Variants in HS2ST1 observed in about 807,000 individuals in gnomAD.
HS2ST1 encodes 2-O-sulfotransferase.
A neutral mutation model predicts 42.9 loss-of-function variants in HS2ST1; 18 were observed. That is an observed-to-expected ratio of 0.42 (90% CI 0.29 to 0.62). HS2ST1 has a LOEUF of 0.62. Among genes scored for constraint, HS2ST1 ranks in the 20% least tolerant of loss-of-function variants. HS2ST1 has a pLI of 0.21. For synonymous variants in HS2ST1, 146 were observed against 152.9 expected, an observed-to-expected ratio of 0.95 and a Z score of 0.33; for missense variants, 334 against 433.8, an observed-to-expected ratio of 0.77 and a Z score of 2.04.
chr1:86,975,019 C>T (rs1648353764), intron 1 of HS2ST1, among the ~76,000 whole-genome samples: 1 of 152,140 alleles, frequency 6.6e-6, no homozygotes, highest in Non-Finnish European at 1.5e-5. Context: ...CTTCCCTTTG[C>T]AACCACAGAA....
At chr1:86,990,017 G>A (rs10747332) in intron 1 of HS2ST1, among the ~76,000 whole-genome samples, 108,464 of 151,678 alleles carry the variant, frequency 0.72, 40,399 homozygotes, top group East Asian at 0.97. Flanking sequence ...GAACAGTGCC[G>A]CAGTAAACAT....
At chr1:86,987,784 G>T (rs79995518) in intron 1 of HS2ST1, among the ~76,000 whole-genome samples, 7,749 of 152,312 alleles carry the variant, frequency 0.051, 255 homozygotes, top group East Asian at 0.14. Context: ...GCAGGAACAT[G>T]CCTGTAATTC....
chr1:86,946,137 T>A (rs973939477), intron 1 of HS2ST1, among the ~76,000 whole-genome samples: 1 of 152,220 alleles, frequency 6.6e-6, no homozygotes, highest in Non-Finnish European at 1.5e-5. Flanking sequence ...AAATTTTTTT[T>A]AATCCAAACG....
At chr1:87,016,367 G>A (rs1363638920) in intron 1 of HS2ST1, among the ~76,000 whole-genome samples, 1 of 152,122 alleles carries the variant, frequency 6.6e-6, no homozygotes, top group Non-Finnish European at 1.5e-5. Context: ...CAGTTTTGGA[G>A]AAGATAGTCT....
At chr1:86,966,222 G>A (rs1648042796) in intron 1 of HS2ST1, among the ~76,000 whole-genome samples, 1 of 152,174 alleles carries the variant, frequency 6.6e-6, no homozygotes, top group African/African-American at 2.4e-5. Context: ...TAGTAGCTAT[G>A]TCTTCTATTA....
chr1:87,018,943 T>C (rs1649843596), intron 1 of HS2ST1, among the ~76,000 whole-genome samples: 1 of 152,228 alleles, frequency 6.6e-6, no homozygotes, highest in African/African-American at 2.4e-5. Context: ...ATTGTATGTT[T>C]GTAAAATGCA....
chr1:86,990,105 A>G (rs11161919), intron 1 of HS2ST1, among the ~76,000 whole-genome samples: 108,419 of 151,928 alleles, frequency 0.71, 40,347 homozygotes, highest in East Asian at 0.97. Context: ...GCTGGGTCAA[A>G]TGATATTTCT....
At chr1:87,058,054 A>C (rs1035033422) in intron 1 of HS2ST1, among the ~76,000 whole-genome samples, 2 of 151,406 alleles carry the variant, frequency 1.3e-5, no homozygotes, top group Admixed American at 1.3e-4. Flanking sequence ...GAGTGGGTGG[A>C]GGGAGTCCAA....
intron 1 of HS2ST1, among the ~76,000 whole-genome samples, chr1:86,988,746 A>C (rs983835433): frequency 6.6e-6 from 1 of 152,198 alleles, no homozygotes; most frequent in Non-Finnish European, 1.5e-5. Flanking sequence ...GCGTTACATC[A>C]ATCTATTCAA....
At chr1:86,932,624 C>G (rs1660566918) in intron 1 of HS2ST1, among the ~76,000 whole-genome samples, 1 of 152,034 alleles carries the variant, frequency 6.6e-6, no homozygotes, top group Non-Finnish European at 1.5e-5. Flanking sequence ...GTCTTTTTCT[C>G]TGTCTGTATT....
intron 1 of HS2ST1, among the ~76,000 whole-genome samples, chr1:86,998,991 G>C (rs1414191164): frequency 6.6e-6 from 1 of 151,966 alleles, no homozygotes; most frequent in African/African-American, 2.4e-5. Flanking sequence ...GAGAAGTGTA[G>C]ATCTACAGAT....
At chr1:86,920,897 C>T (rs1660278196) in intron 1 of HS2ST1, among the ~76,000 whole-genome samples, 1 of 152,034 alleles carries the variant, frequency 6.6e-6, no homozygotes, top group Non-Finnish European at 1.5e-5. Flanking sequence ...CGAAGCTTTC[C>T]CTCATTCTCC....
At chr1:86,961,034 G>T (rs1647827869) in intron 1 of HS2ST1, among the ~76,000 whole-genome samples, 1 of 151,998 alleles carries the variant, frequency 6.6e-6, no homozygotes, top group Non-Finnish European at 1.5e-5. Context: ...CCTTCAGTAG[G>T]TTAATGGATA....
intron 1 of HS2ST1, among the ~76,000 whole-genome samples, chr1:86,976,915 A>G (rs1408718757): frequency 6.6e-6 from 1 of 151,366 alleles, no homozygotes; most frequent in African/African-American, 2.4e-5. Context: ...TACCAGAAAT[A>G]AAAAATGTGC....
intron 3 of HS2ST1, among the ~76,000 whole-genome samples, chr1:87,089,098 T>C (rs952741141): frequency 6.6e-6 from 1 of 152,044 alleles, no homozygotes; most frequent in African/African-American, 2.4e-5. Context: ...TTCCAGCCAG[T>C]TGACAAGGTT....
At chr1:87,098,685 A>G (rs1652127758) in intron 5 of HS2ST1, among the ~76,000 whole-genome samples, 1 of 152,240 alleles carries the variant, frequency 6.6e-6, no homozygotes, top group Non-Finnish European at 1.5e-5. Context: ...TTGGAAGCCT[A>G]TAAAGAATGC....
intron 1 of HS2ST1, among the ~76,000 whole-genome samples, chr1:86,939,010 GTGT>G (rs1268942229): frequency 6.6e-6 from 1 of 152,134 alleles, no homozygotes; most frequent in Non-Finnish European, 1.5e-5. Flanking sequence ...TAAAGCTCAA[GTGT>G]TGTTTTTTTT....
chr1:87,039,269 C>T (rs1007533476), intron 1 of HS2ST1, among the ~76,000 whole-genome samples: 1 of 152,196 alleles, frequency 6.6e-6, no homozygotes, highest in Non-Finnish European at 1.5e-5. Context: ...CCATCTAAAC[C>T]ACCAGCCAAT....
chr1:87,014,710 A>G (rs1177641048), intron 1 of HS2ST1, among the ~76,000 whole-genome samples: 1 of 152,202 alleles, frequency 6.6e-6, no homozygotes, highest in Non-Finnish European at 1.5e-5. Flanking sequence ...AACCATGTAC[A>G]AAGGCCATCA....
Sources: allele counts gnomAD v4.1 joint callset (sites outside exome capture counted in the v4.1 genomes callset), GRCh38; gene constraint gnomAD v4.1.1; transcripts MANE v1.5; gene names NCBI Gene and HGNC (gene_info 2026-07-23, HGNC 2026-07-21).